The following CALU variants were observed in gnomAD, a reference collection of about 807,000 sequenced individuals.
The protein encoded by CALU is calumenin.
A neutral mutation model predicts 37.5 loss-of-function variants in CALU; 13 were observed. The ratio of observed to expected loss-of-function variants is 0.35; its 90% CI spans 0.23 to 0.55. The LOEUF (loss-of-function observed/expected upper bound fraction) is 0.55, where lower values mean the gene tolerates loss of function less well. Ranked by LOEUF, CALU falls within the 20% of genes least tolerant of loss-of-function variation. CALU has a pLI of 0.89. For synonymous variants in CALU, 114 were observed against 133.8 expected, an observed-to-expected ratio of 0.85 and a Z score of 1.02; for missense variants, 282 against 391.7, an observed-to-expected ratio of 0.72 and a Z score of 2.36.
At chr7:128,758,814 A>G in intron 3 of CALU, 57 bp from the exon 4 acceptor site, 1 of 1,220,370 alleles carries the variant, frequency 8.2e-7, no homozygotes, top group Non-Finnish European at 1.2e-6. Context: ...CCCACCCCAC[A>G]CATTTTCATG....
At chr7:128,749,844 A>T (rs555945857) in intron 2 of CALU, among the ~76,000 whole-genome samples, 63 of 152,256 alleles carry the variant, frequency 4.1e-4, no homozygotes, top group African/African-American at 1.5e-3. Flanking sequence ...TGCATCACAG[A>T]GTTAGTTTTC....
In CALU at chr7:128,769,243, T is replaced by G; in HGVS notation, c.*76T>G. 4.7e-5 allele frequency: 35 copies of G among 737,342 alleles called. No homozygotes were observed. Among genetic ancestry groups the G allele is most frequent in the Middle Eastern group, 2.4e-4 (1 of 4,158 alleles). 45.7% of individuals were successfully genotyped at this position (737,342 alleles called of 1,614,324 possible). On this transcript the variant is annotated 3_prime_UTR_variant, in exon 7 of 7. Coordinates refer to ENST00000249364, the MANE Select transcript of CALU (RefSeq NM_001219.5). ...TGGTTTCACATGAAATTGTTTGCGC[T>G]ACTGAGACTGTTACTACAAACTTTT... is the stretch of plus-strand genomic sequence containing the variant.
intron 6 of CALU, among the ~76,000 whole-genome samples, chr7:128,768,762 A>G (rs1276116925): frequency 6.9e-6 from 1 of 145,808 alleles, no homozygotes; most frequent in East Asian, 2.0e-4. Flanking sequence ...CACTTAAATC[A>G]CTTTAACACG....
intron 1 of CALU, among the ~76,000 whole-genome samples, chr7:128,741,092 A>G (rs1214334161): frequency 6.6e-6 from 1 of 152,246 alleles, no homozygotes; most frequent in African/African-American, 2.4e-5. Context: ...TTGAAAGGAC[A>G]GAGGTGTAGC....
chr7:128,768,802 G>A (rs547204186), intron 6 of CALU, among the ~76,000 whole-genome samples: 11 of 134,080 alleles, frequency 8.2e-5, no homozygotes, highest in Admixed American at 6.5e-4. Context: ...AGCTGAGATC[G>A]CGCCATTGCA....
In CALU at chr7:128,770,576, C is replaced by G. The variant is rs956847238; in HGVS notation, c.*1409C>G. ...CCTCCTCTTTCCCTCTCCCCGCTGC[C>G]AAAAAAAAAAAAAAAGGAAACGTTT... On this transcript the variant is annotated 3_prime_UTR_variant, in exon 7 of 7. Transcript: ENST00000249364. 8.2e-6 allele frequency: 1 copy of G among 122,544 alleles called. No homozygotes were observed. Among genetic ancestry groups the G allele is most frequent in the African/African-American group, 3.2e-5 (1 of 31,216 alleles). The allele number at this position is 122,544 out of a possible 1,614,324, so 7.6% of individuals were successfully genotyped here.
intron 4 of CALU, among the ~76,000 whole-genome samples, chr7:128,759,502 T>C (rs1486414738): frequency 6.6e-6 from 1 of 152,196 alleles, no homozygotes; most frequent in African/African-American, 2.4e-5. Context: ...GGCTACCAGG[T>C]AGATCATCAT....
intron 2 of CALU, among the ~76,000 whole-genome samples, chr7:128,750,067 A>G (rs1260637362): frequency 6.6e-6 from 1 of 152,084 alleles, no homozygotes; most frequent in Non-Finnish European, 1.5e-5. Context: ...TCTACTAAAA[A>G]TACAAAAAAA....
At chr7:128,754,477 GA>G in intron 3 of CALU, 22 bp downstream of exon 3, 1 of 1,608,038 alleles carries the variant, frequency 6.2e-7, no homozygotes, top group Non-Finnish European at 8.5e-7. Context: ...CTGTCTGGGG[GA>G]AAAAGCCTTG....
chr7:128,752,123 A>G (rs1265707756), intron 2 of CALU, among the ~76,000 whole-genome samples: 1 of 151,946 alleles, frequency 6.6e-6, no homozygotes, highest in Non-Finnish European at 1.5e-5. Flanking sequence ...TGGCTTTTAC[A>G]TTTTCAGAGG....
chr7:128,754,956 A>G (rs761096179), intron 3 of CALU, among the ~76,000 whole-genome samples: 51 of 152,004 alleles, frequency 3.4e-4, no homozygotes, highest in Non-Finnish European at 6.0e-4. Context: ...CATATATTTT[A>G]CCATTTTTTC....
intron 2 of CALU, among the ~76,000 whole-genome samples, chr7:128,751,481 C>T (rs753528623): frequency 2.6e-5 from 4 of 152,072 alleles, no homozygotes; most frequent in Admixed American, 6.5e-5. Context: ...AATCCCAGCA[C>T]TTTGAGAGGC....
At chr7:128,762,368 C>CT (rs547572221) in intron 5 of CALU, among the ~76,000 whole-genome samples, 10,089 of 131,456 alleles carry the variant, frequency 0.077, 428 homozygotes, top group Non-Finnish European at 0.093. Context: ...TGCATGTGTG[C>CT]TTTTTTTTTT....
rs1455452539 is a variant in CALU, at chr7:128,759,864, CT to C, written c.643+16del. The C allele has an allele frequency of 2.3e-6, 3 of 1,283,708 alleles. No homozygotes were observed. The highest frequency in any genetic ancestry group is 3.4e-6 in the Non-Finnish European group (3 of 880,396). 79.5% of individuals were successfully genotyped at this position (1,283,708 alleles called of 1,614,324 possible). A position where few individuals can be genotyped will look rare whatever the true frequency, so the allele number is the denominator to read the frequency against. The stretch of plus-strand genomic sequence containing the variant: ...AGAAGAGTATATTGGTAAGTCTCTG[CT>C]TTTAGTGTTTTTCTTAGAAAAGCTG... On this transcript the variant is annotated intron_variant, in intron 5 of 6. Coordinates refer to ENST00000249364, the MANE Select transcript of CALU (RefSeq NM_001219.5).
chr7:128,744,394 A>G (rs1301275370), intron 1 of CALU, among the ~76,000 whole-genome samples: 1 of 152,002 alleles, frequency 6.6e-6, no homozygotes, highest in African/African-American at 2.4e-5. Context: ...AGTTTTTGGT[A>G]TGGATGGTGT....
chr7:128,749,024 A>G (rs915170259), intron 2 of CALU, among the ~76,000 whole-genome samples: 1 of 152,224 alleles, frequency 6.6e-6, no homozygotes, highest in Non-Finnish European at 1.5e-5. Flanking sequence ...ACAAAGCATC[A>G]TTTTTGCATA....
chr7:128,762,855 C>T (rs1225026377), intron 5 of CALU, among the ~76,000 whole-genome samples: 1 of 151,916 alleles, frequency 6.6e-6, no homozygotes, highest in Non-Finnish European at 1.5e-5. Context: ...TTAATAGAGG[C>T]GGGGTTTCAC....
chr7:128,767,170 T>C (rs1801369094), intron 5 of CALU, among the ~76,000 whole-genome samples: 2 of 152,194 alleles, frequency 1.3e-5, no homozygotes, highest in Non-Finnish European at 1.5e-5. Flanking sequence ...TCTAAGTCTT[T>C]CTTGATGGTA....
chr7:128,766,843 TTTTATA>T (rs1299542851), intron 5 of CALU, among the ~76,000 whole-genome samples: 1 of 152,222 alleles, frequency 6.6e-6, no homozygotes, highest in East Asian at 1.9e-4. Flanking sequence ...TATGCCTTTC[TTTTATA>T]AAGTGGGACA....
Sources: gnomAD v4.1 joint callset for allele counts (sites outside exome capture counted in the v4.1 genomes callset) on GRCh38, gnomAD v4.1.1 for gene constraint, MANE v1.5 for transcripts, NCBI Gene and HGNC (gene_info 2026-07-23, HGNC 2026-07-21) for gene names.